The following CAMK2D variants were observed in gnomAD, a reference collection of about 807,000 sequenced individuals.
CAMK2D encodes the protein calcium/calmodulin dependent protein kinase II delta.
Under a neutral mutation model 84.0 loss-of-function variants are expected in CAMK2D, and 37 were observed. The ratio of observed to expected loss-of-function variants is 0.44; its 90% CI spans 0.34 to 0.58. The LOEUF (loss-of-function observed/expected upper bound fraction) is 0.58. Ranked by LOEUF, CAMK2D falls within the 20% of genes least tolerant of loss-of-function variation. The pLI is 0.02. For synonymous variants in CAMK2D, 202 were observed against 212.5 expected (o/e 0.95, Z 0.43); for missense variants, 448 against 652.5 (o/e 0.69, Z 3.41).
rs74638011 is a variant in CAMK2D, at chr4:113,553,273, C to A, written c.276-1177G>T. Among the ~76,000 whole-genome samples the A allele has an allele frequency of 5.7e-3, 863 of 152,276 alleles. 11 individuals are homozygous for A. The highest frequency in any genetic ancestry group is 0.02 in the African/African-American group (836 of 41,554). ...TGACACAGGCAGGCCATCCACTCCA[C>A]AGCTCATGCCCTCAACCACTCCACA... On this transcript the variant is annotated intron_variant, in intron 4 of 20. Coordinates refer to ENST00000511664, the MANE Select transcript of CAMK2D (RefSeq NM_001321571.2).
intron 4 of CAMK2D, among the ~76,000 whole-genome samples, chr4:113,603,285 A>G (rs1257707151): frequency 6.6e-6 from 1 of 151,500 alleles, no homozygotes; most frequent in Non-Finnish European, 1.5e-5. Context: ...ATATGTATAC[A>G]TGTGCCATGT....
intron 16 of CAMK2D, among the ~76,000 whole-genome samples, chr4:113,495,010 G>T (rs1278610109): frequency 6.6e-6 from 1 of 152,182 alleles, no homozygotes; most frequent in African/African-American, 2.4e-5. Context: ...CACGCACGGT[G>T]CGCGCACCCA....
chr4:113,613,782 C>T (rs925291926), intron 3 of CAMK2D, among the ~76,000 whole-genome samples: 4 of 152,026 alleles, frequency 2.6e-5, no homozygotes, highest in African/African-American at 7.2e-5. Flanking sequence ...ACCCAACATA[C>T]AAAATATCAT....
intron 2 of CAMK2D, among the ~76,000 whole-genome samples, chr4:113,696,187 G>GACAC (rs1377743443): frequency 1.5e-5 from 1 of 68,756 alleles, no homozygotes; most frequent in African/African-American, 5.2e-5. Context: ...CAGACACACA[G>GACAC]ACACACAGAC....
At chr4:113,753,370 TAACACCAGAA>T (rs958509548) in intron 2 of CAMK2D, among the ~76,000 whole-genome samples, 3 of 151,980 alleles carry the variant, frequency 2.0e-5, no homozygotes, top group Non-Finnish European at 4.4e-5. Context: ...AATGAGACTG[TAACACCAGAA>T]AAGGGGCTCA....
At chr4:113,516,033 T>C (rs1388660035) in intron 9 of CAMK2D, among the ~76,000 whole-genome samples, 1 of 152,186 alleles carries the variant, frequency 6.6e-6, no homozygotes, top group Admixed American at 6.5e-5. Context: ...AGTTGCAAAA[T>C]GATAGAATAT....
At chr4:113,536,820 G>C (rs758659125) in intron 7 of CAMK2D, among the ~76,000 whole-genome samples, 33 of 152,158 alleles carry the variant, frequency 2.2e-4, no homozygotes, top group Non-Finnish European at 2.9e-4. Flanking sequence ...ATTTTTGAGA[G>C]GAAACTGGCA....
chr4:113,517,897 A>G (rs2098306377), intron 8 of CAMK2D, among the ~76,000 whole-genome samples: 1 of 152,152 alleles, frequency 6.6e-6, no homozygotes, highest in African/African-American at 2.4e-5. Flanking sequence ...AAAGAATTCT[A>G]AAGAGGCATG....
chr4:113,509,647 A>T lies in CAMK2D; in HGVS notation c.975T>A (p.Asp325Glu). 2.5e-6 allele frequency: 4 copies of T among 1,607,400 alleles called. No individual in the cohort carries two copies. Among genetic ancestry groups the T allele is most frequent in the Non-Finnish European group, 3.4e-6 (4 of 1,173,888 alleles). The stretch of plus-strand genomic sequence containing the variant: ...CATCTGTTTAACTTACCTTTACTCC[A>T]TCTGGTTTCTTCAACAAACTCTTGG... ...SAAKSLLKKP[D>E]GVKINNKANV... Residue 325 changes from aspartate to glutamate, a missense_variant, in exon 13 of 21, where the codon GAT becomes GAA. Asp to Glu is a conservative substitution (Grantham distance 45). This residue lies in a region of CAMK2D where 219 missense variants were observed against 272.1 expected (regional missense o/e 0.80). Coordinates refer to ENST00000511664, the MANE Select transcript of CAMK2D (RefSeq NM_001321571.2).
At chr4:113,465,129 C>T (rs1007891476) in intron 17 of CAMK2D, among the ~76,000 whole-genome samples, 5 of 152,088 alleles carry the variant, frequency 3.3e-5, no homozygotes, top group African/African-American at 9.7e-5. Context: ...ACCTCCTGGG[C>T]TTAGGTGATC....
intron 3 of CAMK2D, among the ~76,000 whole-genome samples, chr4:113,642,001 A>T (rs891088340): frequency 5.9e-5 from 9 of 152,040 alleles, no homozygotes; most frequent in Non-Finnish European, 8.8e-5. Flanking sequence ...CAAGAGCGAA[A>T]CTCAGTCTAA....
chr4:113,697,139 G>A (rs1272754196), intron 2 of CAMK2D, among the ~76,000 whole-genome samples: 1 of 152,052 alleles, frequency 6.6e-6, no homozygotes, highest in East Asian at 1.9e-4. Context: ...TGGTCTCAAG[G>A]TTTTGAAGAA....
At position 113,500,734 on chromosome 4, in the gene CAMK2D, G is replaced by A. The variant is rs146848475; in HGVS notation, c.1087-223C>T. Reference sequence around the variant, plus strand: ...GTACTCTGGTTGCCTAATCTCCGAAGCTGTATAAATCCAGGTGATTTGTAG... The same window carrying A: ...GTACTCTGGTTGCCTAATCTCCGAAACTGTATAAATCCAGGTGATTTGTAG... On this transcript the variant is annotated intron_variant, in intron 15 of 20. Transcript: ENST00000511664. 3.0e-3 allele frequency among the ~76,000 whole-genome samples: 463 copies of A among 152,180 alleles called. 3 individuals carry two copies. Among genetic ancestry groups the A allele is most frequent in the African/African-American group, 9.3e-3 (386 of 41,542 alleles).
At chr4:113,571,597 G>C (rs998984016) in intron 4 of CAMK2D, among the ~76,000 whole-genome samples, 1 of 152,200 alleles carries the variant, frequency 6.6e-6, no homozygotes, top group African/African-American at 2.4e-5. Flanking sequence ...AACTCGGCTG[G>C]GCGCGGTGGC....
intron 16 of CAMK2D, among the ~76,000 whole-genome samples, chr4:113,498,514 A>G (rs965616740): frequency 2.0e-5 from 3 of 152,230 alleles, no homozygotes; most frequent in African/African-American, 7.2e-5. Context: ...CAGAAACTTA[A>G]ATAATGTATT....
chr4:113,729,907 T>C (rs1023230159), intron 2 of CAMK2D, among the ~76,000 whole-genome samples: 14 of 152,190 alleles, frequency 9.2e-5, no homozygotes, highest in Non-Finnish European at 1.5e-5. Flanking sequence ...AACTAGGGAT[T>C]TGATCTTGGA....
chr4:113,652,428 T>C (rs1454916065), intron 3 of CAMK2D, among the ~76,000 whole-genome samples: 1 of 152,172 alleles, frequency 6.6e-6, no homozygotes, highest in Admixed American at 6.5e-5. Context: ...TACAAGTACT[T>C]ACCATAGGCA....
chr4:113,509,540 A>AAAT, intron 13 of CAMK2D, 98 bp downstream of exon 13: 5 of 778,694 alleles, frequency 6.4e-6, no homozygotes, highest in Non-Finnish European at 8.7e-6. Context: ...AAACAATAAA[A>AAAT]AATAGAACTT....
At chr4:113,465,874 A>G (rs150881782) in intron 16 of CAMK2D, among the ~76,000 whole-genome samples, 3 of 152,150 alleles carry the variant, frequency 2.0e-5, no homozygotes, top group African/African-American at 4.8e-5. Context: ...GAGTACATTC[A>G]TGTTTGGAAA....
Sources: allele counts gnomAD v4.1 joint callset (sites outside exome capture counted in the v4.1 genomes callset), GRCh38; gene constraint gnomAD v4.1.1; regional missense constraint gnomAD v4.1.1; transcripts MANE v1.5; gene names NCBI Gene and HGNC (gene_info 2026-07-23, HGNC 2026-07-21).